ZNF618: variants seen among roughly 807,000 people sequenced by gnomAD.
ZNF618 encodes the protein neural precursor cell expressed, developmentally down-regulated 10.
In ZNF618, 34 loss-of-function variants were observed where a neutral mutation model predicts 103.0. The observed-to-expected ratio is 0.33, with a 90% CI of 0.25 to 0.44. ZNF618 has a LOEUF of 0.44. Ranked by LOEUF, ZNF618 falls within the 20% of genes least tolerant of loss-of-function variation. The pLI is 1.00. For synonymous variants in ZNF618, 551 were observed against 542.2 expected (o/e 1.02, Z -0.23); for missense variants, 1,059 against 1,295.4 (o/e 0.82, Z 2.80).
In ZNF618 at chr9:114,002,530, C is replaced by T. The variant is rs561202559; in HGVS notation, c.512-94C>T. The stretch of plus-strand genomic sequence containing the variant: ...GCCCGGTGCGGGACTGTGAGCTCTT[C>T]CCCTGTGGCTTCCATGTTCTCTTTT... On this transcript the variant is annotated intron_variant, in intron 5 of 14. Transcript: ENST00000374126. 6.8e-5 allele frequency: 96 copies of T among 1,408,534 alleles called. No individual in the cohort carries two copies. The South Asian group carries it at 7.0e-4, about 10-fold the overall frequency. 87.3% of individuals were successfully genotyped at this position (1,408,534 alleles called of 1,614,324 possible).
At position 114,052,113 on chromosome 9, in the gene ZNF618, C is replaced by T. The variant is rs572449432; in HGVS notation, c.*1946C>T. 1.3e-5 allele frequency: 2 copies of T among 152,800 alleles called. No homozygotes were observed. Among genetic ancestry groups the T allele is most frequent in the South Asian group, 2.1e-4 (1 of 4,830 alleles). The allele number at this position is 152,800 out of a possible 1,614,324, so 9.5% of individuals were successfully genotyped here. A position where few individuals can be genotyped will look rare whatever the true frequency, so the allele number is the denominator to read the frequency against. On this transcript the variant is annotated 3_prime_UTR_variant, in exon 15 of 15. Coordinates refer to ENST00000374126, the MANE Select transcript of ZNF618 (RefSeq NM_001318042.2). ...ACTACAAAAAGCACTGTACCACAGC[C>T]CTCTCCCCCTGGGTCCATGACAGGA...
At chr9:113,892,889 C>T (rs1186623932) in intron 1 of ZNF618, among the ~76,000 whole-genome samples, 4 of 152,126 alleles carry the variant, frequency 2.6e-5, no homozygotes, top group Non-Finnish European at 4.4e-5. Flanking sequence ...CTTTATCTTA[C>T]GTTAAACTTC....
At chr9:113,950,668 C>A (rs1301722339) in intron 1 of ZNF618, among the ~76,000 whole-genome samples, 1 of 152,122 alleles carries the variant, frequency 6.6e-6, no homozygotes, top group African/African-American at 2.4e-5. Flanking sequence ...TCCAGGCTGC[C>A]CTCGGCCTGG....
rs12378455 is a variant in ZNF618, at chr9:113,951,429, G to A, written c.34-17688G>A. 9.9e-3 allele frequency among the ~76,000 whole-genome samples: 138 copies of A among 13,914 alleles called. 4 individuals carry two copies. The highest frequency in any genetic ancestry group is 0.031 in the East Asian group (7 of 224). The allele number at this position is 13,914 out of a possible 152,430, so 9.1% of individuals were successfully genotyped here. A position where few individuals can be genotyped will look rare whatever the true frequency, so the allele number is the denominator to read the frequency against. On this transcript the variant is annotated intron_variant, in intron 1 of 14. Coordinates refer to ENST00000374126, the MANE Select transcript of ZNF618 (RefSeq NM_001318042.2). The stretch of plus-strand genomic sequence containing the variant: ...TATATATACACACATATATGTGTGT[G>A]TGTATATATATACATATATGTGTAT...
intron 1 of ZNF618, among the ~76,000 whole-genome samples, chr9:113,909,786 TTTG>T (rs1170288067): frequency 2.0e-5 from 3 of 147,932 alleles, no homozygotes; most frequent in Admixed American, 7.0e-5. Flanking sequence ...GCCTTTTTTG[TTTG>T]TTTTTTTTTT....
At chr9:113,955,700 A>G (rs932722373) in intron 1 of ZNF618, among the ~76,000 whole-genome samples, 5 of 152,142 alleles carry the variant, frequency 3.3e-5, no homozygotes, top group African/African-American at 1.2e-4. Context: ...TACTTAGAAC[A>G]TCTACTTTGC....
intron 4 of ZNF618, among the ~76,000 whole-genome samples, chr9:114,000,373 A>C (rs893484017): frequency 1.3e-5 from 2 of 152,230 alleles, no homozygotes; most frequent in Non-Finnish European, 2.9e-5. Flanking sequence ...GATCAAACAG[A>C]TAAGACAAAC....
chr9:114,002,746 G>A, intron 6 of ZNF618, 84 bp downstream of exon 6: 1 of 1,500,714 alleles, frequency 6.7e-7, no homozygotes, highest in Non-Finnish European at 9.1e-7. Context: ...CCCTCCCCCA[G>A]AACTGCTCCA....
chr9:113,927,666 A>G (rs2131778652), intron 1 of ZNF618, among the ~76,000 whole-genome samples: 1 of 152,336 alleles, frequency 6.6e-6, no homozygotes, highest in East Asian at 1.9e-4. Context: ...GGGTTGGAGA[A>G]GGACATTTCC....
chr9:113,989,565 A>G (rs1588254517), intron 3 of ZNF618, among the ~76,000 whole-genome samples: 1 of 151,632 alleles, frequency 6.6e-6, no homozygotes, highest in Non-Finnish European at 1.5e-5. Context: ...TCCACTCCCT[A>G]CTCCATGTTT....
chr9:113,911,076 C>A (rs959356333), intron 1 of ZNF618, among the ~76,000 whole-genome samples: 1 of 152,110 alleles, frequency 6.6e-6, no homozygotes, highest in Non-Finnish European at 1.5e-5. Flanking sequence ...TCAAGTGATC[C>A]GCCTGCCTTG....
intron 1 of ZNF618, among the ~76,000 whole-genome samples, chr9:113,966,952 A>G (rs1458924586): frequency 6.6e-6 from 1 of 152,246 alleles, no homozygotes; most frequent in Non-Finnish European, 1.5e-5. Flanking sequence ...CTGAAGTATC[A>G]TTCACTCAAT....
At chr9:113,880,810 G>A (rs1324927777) in intron 1 of ZNF618, among the ~76,000 whole-genome samples, 1 of 152,218 alleles carries the variant, frequency 6.6e-6, no homozygotes, top group Non-Finnish European at 1.5e-5. Context: ...GGCCAAAAGA[G>A]TTTGAAAGGT....
intron 1 of ZNF618, among the ~76,000 whole-genome samples, chr9:113,884,705 GAC>G (rs142237899): frequency 2.0e-5 from 3 of 150,488 alleles, no homozygotes; most frequent in African/African-American, 4.9e-5. Flanking sequence ...CTTCCTTATC[GAC>G]ACACACACAC....
chr9:113,967,834 G>T (rs371928886), intron 1 of ZNF618, among the ~76,000 whole-genome samples: 3 of 152,220 alleles, frequency 2.0e-5, no homozygotes, highest in African/African-American at 7.2e-5. Context: ...GCTGTGGAGA[G>T]CCAAGTATGT....
At chr9:114,016,868 GC>G in intron 10 of ZNF618, 84 bp downstream of exon 10, 3 of 1,103,128 alleles carry the variant, frequency 2.7e-6, no homozygotes, top group Non-Finnish European at 4.0e-6. Flanking sequence ...CTGGAATTTG[GC>G]CAGGAAATGG....
intron 1 of ZNF618, among the ~76,000 whole-genome samples, chr9:113,899,241 C>T (rs1020437326): frequency 6.6e-6 from 1 of 152,104 alleles, no homozygotes; most frequent in African/African-American, 2.4e-5. Context: ...TACCAATCTC[C>T]AGAACTCTTC....
chr9:113,883,775 C>G (rs568557327), intron 1 of ZNF618, among the ~76,000 whole-genome samples: 54 of 152,232 alleles, frequency 3.5e-4, no homozygotes, highest in Non-Finnish European at 7.1e-4. Flanking sequence ...TTCCATATTT[C>G]TGAAATCAGG....
At chr9:114,001,194 C>G (rs909899923) in intron 4 of ZNF618, among the ~76,000 whole-genome samples, 1 of 151,986 alleles carries the variant, frequency 6.6e-6, no homozygotes, top group Non-Finnish European at 1.5e-5. Flanking sequence ...TGGGCAGGCT[C>G]ATCTTTTAAC....
Sources: allele counts gnomAD v4.1 joint callset (sites outside exome capture counted in the v4.1 genomes callset), GRCh38; gene constraint gnomAD v4.1.1; transcripts MANE v1.5; gene names NCBI Gene and HGNC (gene_info 2026-07-23, HGNC 2026-07-21).